IQSEC2: variants seen among roughly 807,000 people sequenced by gnomAD.
IQSEC2 encodes IQ motif and SEC7 domain-containing protein 2.
In IQSEC2, 6 loss-of-function variants were observed where a neutral mutation model predicts 74.6. The observed-to-expected ratio is 0.08, with a 90% CI of 0.04 to 0.16. The LOEUF is 0.16. IQSEC2 is among the 10% of genes least tolerant of loss of function. The pLI is 1.00. For missense variants in IQSEC2, 734 were observed against 1,306.2 expected, an observed-to-expected ratio of 0.56 and a Z score of 6.75; for synonymous variants, 494 against 544.5, an observed-to-expected ratio of 0.91 and a Z score of 1.29.
chrX:53,316,329 G>A (rs1009324564), intron 1 of IQSEC2, among the ~76,000 whole-genome samples: 3 of 111,506 alleles, frequency 2.7e-5, no homozygotes, highest in Non-Finnish European at 3.8e-5. Flanking sequence ...CAGTGGGAGG[G>A]AAGATAAATG....
At chrX:53,248,969 C>A (rs2074346844) in intron 5 of IQSEC2, 87 bp from the exon 6 acceptor site, 1 of 951,180 alleles carries the variant, frequency 1.1e-6, no homozygotes. Flanking sequence ...TTGGGCCCAA[C>A]TAAGTCCGGC....
At chrX:53,282,935 G>A (rs1423626966) in intron 2 of IQSEC2, among the ~76,000 whole-genome samples, 1 of 112,012 alleles carries the variant, frequency 8.9e-6, no homozygotes, top group Non-Finnish European at 1.9e-5. Flanking sequence ...AGTGGCTCAC[G>A]CCTGTAATCC....
At chrX:53,245,175 T>TCA (rs782036928) in intron 8 of IQSEC2, among the ~76,000 whole-genome samples, 37 of 110,385 alleles carry the variant, frequency 3.4e-4, no homozygotes, top group Non-Finnish European at 7.0e-4. Context: ...ACGTGGAGGC[T>TCA]CACACCTGTA....
At position 53,256,108 on chromosome X, in the gene IQSEC2, G is replaced by C. The variant is rs782575695; in HGVS notation, c.738-47C>G. ...AGCCAGGATGTGGGGACAGGACAGG[G>C]GCCTACTGGGCCATACTGAGAGTGG... On this transcript the variant is annotated intron_variant, in intron 2 of 14. Coordinates refer to ENST00000642864, the MANE Select transcript of IQSEC2 (RefSeq NM_001111125.3). 7 of 1,085,752 alleles carry C rather than the reference G, an allele frequency of 6.4e-6. No individual in the cohort carries two copies. The East Asian group carries it at 1.6e-4, about 24-fold the overall frequency. 89.5% of individuals were successfully genotyped at this position (1,085,752 alleles called of 1,213,427 possible). A position where few individuals can be genotyped will look rare whatever the true frequency, so the allele number is the denominator to read the frequency against.
At chrX:53,261,702 T>C (rs1407825584) in intron 2 of IQSEC2, among the ~76,000 whole-genome samples, 1 of 111,643 alleles carries the variant, frequency 9.0e-6, no homozygotes, top group Middle Eastern at 4.6e-3. Flanking sequence ...ATGTGCGCTG[T>C]CTGCTGGGCT....
intron 2 of IQSEC2, among the ~76,000 whole-genome samples, chrX:53,273,620 G>C (rs2074776281): frequency 8.9e-6 from 1 of 112,290 alleles, no homozygotes. Flanking sequence ...TTGAAATGAT[G>C]ACAGGGTGTT....
intron 2 of IQSEC2, among the ~76,000 whole-genome samples, chrX:53,276,772 A>G (rs1229154646): frequency 1.8e-5 from 2 of 112,364 alleles, no homozygotes; most frequent in East Asian, 5.5e-4. Flanking sequence ...AACTACCCCA[A>G]TACAGCAGAA....
At chrX:53,257,245 A>G (rs5933564) in intron 2 of IQSEC2, among the ~76,000 whole-genome samples, 15 of 111,839 alleles carry the variant, frequency 1.3e-4, no homozygotes, top group Non-Finnish European at 2.5e-4. Context: ...GGGCTGGGGT[A>G]GGTACTGGGG....
At position 53,303,666 on chromosome X, in the gene IQSEC2, T is replaced by C. The variant is rs140285718; in HGVS notation, c.708-11742A>G. Among the ~76,000 whole-genome samples the C allele has an allele frequency of 5.9e-3, 632 of 107,667 alleles. 11 individuals carry two copies. In the East Asian group the frequency reaches 0.089, roughly 15 times the overall value. 93.5% of individuals were successfully genotyped at this position (107,667 alleles called of 115,157 possible). A position where few individuals can be genotyped will look rare whatever the true frequency, so the allele number is the denominator to read the frequency against. The stretch of plus-strand genomic sequence containing the variant: ...AAATACAAAAATTAGCCAGGCATGA[T>C]GGTGGGCGCCTATAATCCCAGCTAT... On this transcript the variant is annotated intron_variant, in intron 1 of 14. Coordinates refer to ENST00000642864, the MANE Select transcript of IQSEC2 (RefSeq NM_001111125.3).
intron 2 of IQSEC2, among the ~76,000 whole-genome samples, chrX:53,277,462 ACCCG>A (rs1556869804): frequency 9.2e-6 from 1 of 109,120 alleles, no homozygotes; most frequent in Admixed American, 9.8e-5. Flanking sequence ...CTCGTGATCC[ACCCG>A]CCTCGGCCTC....
rs994392124 is a variant in IQSEC2, at chrX:53,255,720, C to G, written c.999+80G>C. 43 of 1,124,740 alleles carry G rather than the reference C, an allele frequency of 3.8e-5. No individual in the cohort carries two copies. In the African/African-American group the frequency reaches 6.8e-4, roughly 18 times the overall value. The allele number at this position is 1,124,740 out of a possible 1,213,427, so 92.7% of individuals were successfully genotyped here. A position where few individuals can be genotyped will look rare whatever the true frequency, so the allele number is the denominator to read the frequency against. ...TCATTATCCCTCCCTGATACCACCCCCAAGAGCCACATCCCAAACCCTCCC... is the reference window on the plus strand; with the variant it reads ...TCATTATCCCTCCCTGATACCACCCGCAAGAGCCACATCCCAAACCCTCCC... On this transcript the variant is annotated intron_variant, in intron 3 of 14. Transcript: ENST00000642864.
At chrX:53,247,757 C>G (rs12688081) in intron 7 of IQSEC2, among the ~76,000 whole-genome samples, 10,722 of 111,831 alleles carry the variant, frequency 0.096, 459 homozygotes, top group African/African-American at 0.17. Context: ...TCTGATTTCT[C>G]ATCTGTAAAA....
intron 2 of IQSEC2, chrX:53,266,881 G>GA (rs2074666787): frequency 1.3e-6 from 1 of 768,382 alleles, no homozygotes; most frequent in African/African-American, 2.6e-5. Flanking sequence ...TCCCATGGGG[G>GA]AATCTGCGGG....
chrX:53,279,590 G>A (rs782137258), intron 2 of IQSEC2: 1 of 1,200,471 alleles, frequency 8.3e-7, no homozygotes, highest in Non-Finnish European at 1.1e-6. Flanking sequence ...TGCCTGAGGG[G>A]GTAAGCTTCA....
intron 2 of IQSEC2, among the ~76,000 whole-genome samples, chrX:53,265,227 ATGAGT>A (rs781942361): frequency 9.0e-6 from 1 of 111,002 alleles, no homozygotes; most frequent in Admixed American, 9.6e-5. Context: ...GAATGAGTAG[ATGAGT>A]TGAGCGAGTG....
At position 53,250,444 on chromosome X, in the gene IQSEC2, C is replaced by A. The variant is rs1556863033; in HGVS notation, c.2132G>T (p.Cys711Phe). Residue 711 changes from cysteine (C) to phenylalanine (F), a missense_variant, in exon 5 of 15, where the codon TGC becomes TTC. This residue lies in a region of IQSEC2 where 204 missense variants were observed against 305.4 expected (regional missense o/e 0.67). Transcript: ENST00000642864. Reference protein sequence around the residue: ...SSSNSNETINCSSGSSSRDSL... With the variant: ...SSSNSNETINFSSGSSSRDSL... ...GTCCCGAGAAGAGGAGCCGGAGCTGCAGTTGATGGTCTCATTGGAATTGCT... is the reference window on the plus strand; with the variant it reads ...GTCCCGAGAAGAGGAGCCGGAGCTGAAGTTGATGGTCTCATTGGAATTGCT... 2 of 1,211,904 alleles carry A rather than the reference C, an allele frequency of 1.7e-6. No homozygotes were observed. Among genetic ancestry groups the A allele is most frequent in the South Asian group, 3.5e-5 (2 of 56,979 alleles).
At chrX:53,288,005 C>T (rs1043184907) in intron 2 of IQSEC2, among the ~76,000 whole-genome samples, 1 of 112,033 alleles carries the variant, frequency 8.9e-6, no homozygotes, top group African/African-American at 3.2e-5. Flanking sequence ...CCCGAGCTGG[C>T]TCATCTGTGT....
At position 53,321,207 on chromosome X, in the gene IQSEC2, G is replaced by A; in HGVS notation, c.-84C>T. 1.7e-6 allele frequency: 1 copy of A among 576,881 alleles called. No homozygotes were observed. 47.5% of individuals were successfully genotyped at this position (576,881 alleles called of 1,213,427 possible). On this transcript the variant is annotated 5_prime_UTR_variant, in exon 1 of 15. Transcript: ENST00000642864. ...CGCCACCCTCCCCCGGGCCCAGCCG[G>A]GGGAGGGGGCCGGCGGGACGCGAGG...
chrX:53,278,070 G>T (rs782287648), intron 2 of IQSEC2, among the ~76,000 whole-genome samples: 3 of 86,375 alleles, frequency 3.5e-5, no homozygotes, highest in African/African-American at 1.4e-4. Flanking sequence ...GAGTGCAGTG[G>T]TGCAATCTCG....
Sources: allele counts gnomAD v4.1 joint callset (sites outside exome capture counted in the v4.1 genomes callset), GRCh38; gene constraint gnomAD v4.1.1; regional missense constraint gnomAD v4.1.1; transcripts MANE v1.5; gene names NCBI Gene and HGNC (gene_info 2026-07-23, HGNC 2026-07-21).